The following NAV2 variants were observed in gnomAD, a reference collection of about 807,000 sequenced individuals.
The protein encoded by NAV2 is neuron navigator 2, also known as helicase, APC down-regulated 1.
A neutral mutation model predicts 223.2 loss-of-function variants in NAV2; 54 were observed. That is an observed-to-expected ratio of 0.24 (90% CI 0.19 to 0.30). The LOEUF (loss-of-function observed/expected upper bound fraction) is 0.30, where lower values mean the gene tolerates loss of function less well. Ranked by LOEUF, NAV2 falls within the 10% of genes least tolerant of loss-of-function variation. The probability of loss-of-function intolerance (pLI) is 1.00; values close to 1 mark genes in which losing one functional copy is unlikely to be tolerated. For missense variants in NAV2, 2,806 were observed against 3,147.5 expected (o/e 0.89, Z 2.60); for synonymous variants, 1,279 against 1,239.3 (o/e 1.03, Z -0.67).
chr11:19,783,364 C>T (rs1050283846), intron 1 of NAV2, among the ~76,000 whole-genome samples: 4 of 152,144 alleles, frequency 2.6e-5, no homozygotes, highest in Non-Finnish European at 5.9e-5. Context: ...CCACATAGAA[C>T]CTGTTAGTTC....
In NAV2 at chr11:19,430,972, G is replaced by A. The variant is rs142743092; in HGVS notation, c.75+79945G>A. On this transcript the variant is annotated intron_variant, in intron 1 of 37. Coordinates refer to the NAV2 transcript ENST00000360655. ...TTGCCACCAATTATCTTTAGCCTGAGGCTTTAGCCAAGATTCAGACACAAT... is the reference window on the plus strand; with the variant it reads ...TTGCCACCAATTATCTTTAGCCTGAAGCTTTAGCCAAGATTCAGACACAAT... Among the ~76,000 whole-genome samples the A allele has an allele frequency of 8.1e-4, 123 of 152,302 alleles. 1 individual carries two copies. The highest frequency in any genetic ancestry group is 2.8e-3 in the African/African-American group (117 of 41,566).
At chr11:19,699,323 C>CT in intron 1 of NAV2, among the ~76,000 whole-genome samples, 1 of 152,220 alleles carries the variant, frequency 6.6e-6, no homozygotes, top group Non-Finnish European at 1.5e-5. Context: ...TTGTTTGAAG[C>CT]AATTAAATGG....
At chr11:19,882,170 T>C (rs967287735) in intron 5 of NAV2, among the ~76,000 whole-genome samples, 1 of 152,136 alleles carries the variant, frequency 6.6e-6, no homozygotes, top group East Asian at 1.9e-4. Context: ...GAGAATGAGA[T>C]TGTGGAGGAG....
At chr11:19,618,486 CTGGATAGA>C (rs1474269679) in intron 1 of NAV2, among the ~76,000 whole-genome samples, 1 of 114,004 alleles carries the variant, frequency 8.8e-6, no homozygotes, top group African/African-American at 3.6e-5. Context: ...ATATGGCTGT[CTGGATAGA>C]TGGATGGATG....
chr11:20,037,228 G>T (rs112192879), intron 12 of NAV2, among the ~76,000 whole-genome samples: 2 of 151,988 alleles, frequency 1.3e-5, no homozygotes, highest in South Asian at 2.1e-4. Flanking sequence ...GCAACCTTGC[G>T]GGGAGGCAGA....
chr11:19,960,138 G>A lies in NAV2; in HGVS notation c.2645+11058G>A, dbSNP rs188959522. Among the ~76,000 whole-genome samples, 150 of 152,314 alleles carry A rather than the reference G, an allele frequency of 9.8e-4. 1 individual carries two copies. The highest frequency in any genetic ancestry group is 3.4e-3 in the African/African-American group (140 of 41,560). ...TGCCCTGGGGCTTGATGGACAAGAG[G>A]AGGAGTCGGTTATTTGTTCTCAAAG... On this transcript the variant is annotated intron_variant, in intron 10 of 37. Transcript: ENST00000349880.
At position 19,953,218 on chromosome 11, in the gene NAV2, G is replaced by A. The variant is rs536779978; in HGVS notation, c.2645+4138G>A. Among the ~76,000 whole-genome samples the A allele has an allele frequency of 2.0e-5, 3 of 152,168 alleles. No individual in the cohort carries two copies. The South Asian group carries it at 6.2e-4, about 32-fold the overall frequency. On this transcript the variant is annotated intron_variant, in intron 10 of 37. Transcript: ENST00000349880. ...GATATCCCTTTATGGACAAAAAAAT[G>A]ACCCTTTAAATATAACATCAGAAGT...
intron 1 of NAV2, among the ~76,000 whole-genome samples, chr11:19,594,958 C>T (rs751145764): frequency 2.6e-5 from 4 of 152,146 alleles, no homozygotes; most frequent in Non-Finnish European, 5.9e-5. Context: ...GTGTCAGAAT[C>T]TGCTTAAGTT....
chr11:19,706,478 T>C (rs2049666270), intron 1 of NAV2, among the ~76,000 whole-genome samples: 1 of 152,242 alleles, frequency 6.6e-6, no homozygotes, highest in Admixed American at 6.5e-5. Flanking sequence ...CATTGTATAT[T>C]TTGTGCTGCC....
chr11:19,401,816 C>G (rs1488268649), intron 1 of NAV2: 1 of 152,196 alleles, frequency 6.6e-6, no homozygotes, highest in African/African-American at 2.4e-5. Flanking sequence ...TTTGGGGCCA[C>G]AGACCACTCT....
intron 1 of NAV2, among the ~76,000 whole-genome samples, chr11:19,749,746 TG>T (rs1301085223): frequency 6.6e-6 from 1 of 152,224 alleles, no homozygotes; most frequent in Non-Finnish European, 1.5e-5. Context: ...AAGCAATTTC[TG>T]GGATCACAGC....
At chr11:19,869,370 A>G (rs1233184032) in intron 4 of NAV2, among the ~76,000 whole-genome samples, 1 of 152,234 alleles carries the variant, frequency 6.6e-6, no homozygotes, top group Non-Finnish European at 1.5e-5. Flanking sequence ...TCAGCTGTAC[A>G]GTTCCCGGGG....
intron 36 of NAV2, among the ~76,000 whole-genome samples, chr11:20,112,858 G>T (rs753379279): frequency 6.6e-6 from 1 of 152,234 alleles, no homozygotes; most frequent in Non-Finnish European, 1.5e-5. Flanking sequence ...TTGGAAAGAC[G>T]TGGTTTTGTT....
intron 1 of NAV2, among the ~76,000 whole-genome samples, chr11:19,806,565 T>C (rs1222039080): frequency 6.6e-6 from 1 of 152,248 alleles, no homozygotes. Flanking sequence ...CTTGGTCGAA[T>C]GTCAGCTTTG....
intron 2 of NAV2, among the ~76,000 whole-genome samples, chr11:19,840,861 T>C (rs1207982498): frequency 6.6e-6 from 1 of 152,254 alleles, no homozygotes; most frequent in Non-Finnish European, 1.5e-5. Context: ...GTGGCTCCTG[T>C]GTGCCAGACA....
intron 5 of NAV2, among the ~76,000 whole-genome samples, chr11:19,882,094 G>A (rs2063250023): frequency 6.6e-6 from 1 of 152,212 alleles, no homozygotes; most frequent in African/African-American, 2.4e-5. Context: ...CCATGGGAAA[G>A]TCTTAAAGTA....
At chr11:19,502,295 A>G (rs1396094853) in intron 1 of NAV2, among the ~76,000 whole-genome samples, 1 of 152,172 alleles carries the variant, frequency 6.6e-6, no homozygotes, top group African/African-American at 2.4e-5. Flanking sequence ...CCTATTTATA[A>G]TTTAGAGATT....
chr11:19,764,156 T>C (rs947830831), intron 1 of NAV2, among the ~76,000 whole-genome samples: 2 of 152,210 alleles, frequency 1.3e-5, no homozygotes, highest in African/African-American at 4.8e-5. Flanking sequence ...CTCTAGGTCT[T>C]AGAGGAAGCA....
At chr11:19,759,375 G>A (rs1358122291) in intron 1 of NAV2, among the ~76,000 whole-genome samples, 1 of 152,074 alleles carries the variant, frequency 6.6e-6, no homozygotes, top group African/African-American at 2.4e-5. Context: ...GAGCCACCGT[G>A]CCTGGCAAGG....
Sources: allele counts gnomAD v4.1 joint callset (sites outside exome capture counted in the v4.1 genomes callset), GRCh38; gene constraint gnomAD v4.1.1; transcripts MANE v1.5; gene names NCBI Gene and HGNC (gene_info 2026-07-23, HGNC 2026-07-21).